The following PDCD10 variants were observed in gnomAD, a reference collection of about 807,000 sequenced individuals.
PDCD10 encodes the protein programmed cell death 10, also known as programmed cell death protein 10.
PDCD10 carries 4 observed loss-of-function variants against 29.2 expected under a neutral mutation model. The ratio of observed to expected loss-of-function variants is 0.14; its 90% CI spans 0.07 to 0.31. The LOEUF (loss-of-function observed/expected upper bound fraction) is 0.31, where lower values mean the gene tolerates loss of function less well. Among genes scored for constraint, PDCD10 ranks in the 10% least tolerant of loss-of-function variants. The probability of loss-of-function intolerance (pLI) is 1.00; values close to 1 mark genes in which losing one functional copy is unlikely to be tolerated. For missense variants in PDCD10, 183 were observed against 257.9 expected (o/e 0.71, Z 1.99); for synonymous variants, 70 against 82.2 (o/e 0.85, Z 0.80).
intron 6 of PDCD10, among the ~76,000 whole-genome samples, chr3:167,689,291 T>C (rs1361326476): frequency 6.6e-6 from 1 of 152,078 alleles, no homozygotes; most frequent in Non-Finnish European, 1.5e-5. Context: ...GTGAGAAAAA[T>C]TACAATTTCA....
intron 3 of PDCD10, among the ~76,000 whole-genome samples, chr3:167,709,300 T>C (rs1450634542): frequency 6.6e-6 from 1 of 152,164 alleles, no homozygotes; most frequent in South Asian, 2.1e-4. Flanking sequence ...AGTACCTGGT[T>C]TTAATTTCAT....
chr3:167,696,991 G>A lies in PDCD10; in HGVS notation c.268+18C>T, dbSNP rs780229146. 1.7e-6 allele frequency: 2 copies of A among 1,211,074 alleles called. No homozygotes were observed. The highest frequency in any genetic ancestry group is 1.7e-5 in the Admixed American group (1 of 59,550). The allele number at this position is 1,211,074 out of a possible 1,614,324, so 75.0% of individuals were successfully genotyped here. A position where few individuals can be genotyped will look rare whatever the true frequency, so the allele number is the denominator to read the frequency against. On this transcript the variant is annotated intron_variant, in intron 5 of 8. Coordinates refer to ENST00000392750, the MANE Select transcript of PDCD10 (RefSeq NM_007217.4). ...TTTAACAATTGTATAACTTAAACAA[G>A]GTTCTTCTGTCCGTTACCTTCTACA...
At chr3:167,694,180 TA>T (rs1453001456) in intron 6 of PDCD10, among the ~76,000 whole-genome samples, 4 of 152,018 alleles carry the variant, frequency 2.6e-5, no homozygotes, top group Non-Finnish European at 5.9e-5. Context: ...CATTTACACT[TA>T]AAAAATGGAA....
chr3:167,716,906 C>G (rs1723085646), intron 3 of PDCD10, among the ~76,000 whole-genome samples: 1 of 151,848 alleles, frequency 6.6e-6, no homozygotes, highest in Non-Finnish European at 1.5e-5. Flanking sequence ...AAAACACAAG[C>G]CTTATTTTTT....
At chr3:167,721,833 A>AC (rs1723603177) in intron 2 of PDCD10, among the ~76,000 whole-genome samples, 2 of 152,180 alleles carry the variant, frequency 1.3e-5, no homozygotes, top group Non-Finnish European at 2.9e-5. Context: ...TATGTAACTT[A>AC]GTTAAGTAGA....
intron 4 of PDCD10, among the ~76,000 whole-genome samples, chr3:167,701,167 C>T (rs768341696): frequency 1.1e-4 from 17 of 152,056 alleles, no homozygotes; most frequent in Non-Finnish European, 8.8e-5. Flanking sequence ...ACCATCAATG[C>T]GTTGTTTCTG....
chr3:167,706,394 G>A (rs138540538), intron 3 of PDCD10, among the ~76,000 whole-genome samples: 272 of 152,300 alleles, frequency 1.8e-3, no homozygotes, highest in Non-Finnish European at 3.2e-3. Context: ...TCATCATTAT[G>A]TGGACATCAC....
chr3:167,714,382 G>A (rs1011638210), intron 3 of PDCD10, among the ~76,000 whole-genome samples: 1 of 151,722 alleles, frequency 6.6e-6, no homozygotes. Flanking sequence ...CTACGATGTG[G>A]TAAACGACAA....
intron 2 of PDCD10, among the ~76,000 whole-genome samples, chr3:167,723,234 T>G (rs926172595): frequency 6.6e-6 from 1 of 152,188 alleles, no homozygotes; most frequent in African/African-American, 2.4e-5. Context: ...CTTCTTCATT[T>G]GAAATAGTTC....
intron 2 of PDCD10, among the ~76,000 whole-genome samples, chr3:167,732,090 T>G (rs570015748): frequency 6.6e-6 from 1 of 152,286 alleles, no homozygotes; most frequent in South Asian, 2.1e-4. Flanking sequence ...GGTAATAGTA[T>G]TTGAATATTT....
chr3:167,726,438 A>G (rs2108501606), intron 2 of PDCD10, among the ~76,000 whole-genome samples: 1 of 152,258 alleles, frequency 6.6e-6, no homozygotes, highest in African/African-American at 2.4e-5. Context: ...TAAAATGGGT[A>G]AGAAGTAACT....
At chr3:167,716,344 T>C (rs983157054) in intron 3 of PDCD10, among the ~76,000 whole-genome samples, 8 of 151,962 alleles carry the variant, frequency 5.3e-5, no homozygotes, top group Non-Finnish European at 8.8e-5. Context: ...AGACCTACTA[T>C]TGATAGCACA....
At chr3:167,718,260 C>A (rs955692000) in intron 3 of PDCD10, among the ~76,000 whole-genome samples, 23 of 152,218 alleles carry the variant, frequency 1.5e-4, no homozygotes, top group Admixed American at 7.2e-4. Context: ...AACATGCATG[C>A]AGCCTTTTTC....
chr3:167,726,783 C>G (rs927111272), intron 2 of PDCD10, among the ~76,000 whole-genome samples: 16 of 151,936 alleles, frequency 1.1e-4, no homozygotes, highest in African/African-American at 3.9e-4. Flanking sequence ...AAATTTTGCT[C>G]TGATTTGCAT....
chr3:167,690,961 CT>C (rs1224623216), intron 6 of PDCD10, among the ~76,000 whole-genome samples: 1 of 152,120 alleles, frequency 6.6e-6, no homozygotes, highest in East Asian at 1.9e-4. Context: ...TGTCAGGATT[CT>C]TTTTTACTTG....
At chr3:167,708,754 A>G (rs9860417) in intron 3 of PDCD10, among the ~76,000 whole-genome samples, 34,857 of 152,146 alleles carry the variant, frequency 0.23, 4,197 homozygotes, top group Non-Finnish European at 0.26. Flanking sequence ...GCTGTCTGGC[A>G]AAAAAGGTAA....
chr3:167,705,026 T>A, intron 3 of PDCD10, 131 bp from the exon 4 acceptor site: 1 of 554,066 alleles, frequency 1.8e-6, no homozygotes, highest in African/African-American at 1.9e-5. Flanking sequence ...CAATTGTACA[T>A]CACCGTAATT....
intron 1 of PDCD10, 116 bp downstream of exon 1, chr3:167,734,546 G>A: frequency 6.6e-6 from 1 of 152,466 alleles, no homozygotes. Flanking sequence ...GGCCAACCTC[G>A]CCCTTCCCCT....
chr3:167,701,877 T>A (rs1157235606), intron 4 of PDCD10, among the ~76,000 whole-genome samples: 1 of 151,866 alleles, frequency 6.6e-6, no homozygotes, highest in East Asian at 1.9e-4. Flanking sequence ...ACGGAAATCA[T>A]GAAAGAGATT....
Sources: allele counts gnomAD v4.1 joint callset (sites outside exome capture counted in the v4.1 genomes callset), GRCh38; gene constraint gnomAD v4.1.1; transcripts MANE v1.5; gene names NCBI Gene and HGNC (gene_info 2026-07-23, HGNC 2026-07-21).